Variants in EML1 observed in about 807,000 individuals in gnomAD.
EML1 encodes the protein EMAP like 1, also known as echinoderm microtubule-associated protein-like 1.
A neutral mutation model predicts 110.4 loss-of-function variants in EML1; 27 were observed. That is an observed-to-expected ratio of 0.24 (90% confidence interval 0.18 to 0.34). The LOEUF is 0.34. Ranked by LOEUF, EML1 falls within the 10% of genes least tolerant of loss-of-function variation. The pLI is 1.00. For synonymous variants in EML1, 344 were observed against 385.8 expected (o/e 0.89, Z 1.27); for missense variants, 741 against 1,030.9 (o/e 0.72, Z 3.85).
At chr14:99,748,851 C>T (rs987725900) in intron 1 of EML1, among the ~76,000 whole-genome samples, 4 of 152,138 alleles carry the variant, frequency 2.6e-5, no homozygotes, top group African/African-American at 7.2e-5. Flanking sequence ...GGCAAACACT[C>T]GTCCACTTTG....
intron 1 of EML1, chr14:99,838,930 T>TGTGTGTGTGTGCGTGC (rs35886892): frequency 6.7e-6 from 1 of 148,488 alleles, no homozygotes; most frequent in African/African-American, 2.5e-5. Flanking sequence ...TGTGTGTGTG[T>TGTGTGTGTGTGCGTGC]GCGCGCGCGC....
intron 1 of EML1, among the ~76,000 whole-genome samples, chr14:99,750,987 T>A (rs1416707609): frequency 1.3e-5 from 2 of 152,042 alleles, no homozygotes; most frequent in South Asian, 2.1e-4. Context: ...TCCCCCCCTG[T>A]GAAATGAACT....
In EML1 at chr14:99,937,985, G is replaced by C; in HGVS notation, c.2191+73G>C. Reference sequence around the variant, plus strand: ...TTTAAAATATTTCTTCAGTTGCTACGGAGTCTCATGGTCACCAGTCTTGTC... The same window carrying C: ...TTTAAAATATTTCTTCAGTTGCTACCGAGTCTCATGGTCACCAGTCTTGTC... On this transcript the variant is annotated intron_variant, in intron 20 of 21. Coordinates refer to ENST00000262233, the MANE Select transcript of EML1 (RefSeq NM_004434.3). 8 of 1,447,776 alleles carry C rather than the reference G, an allele frequency of 5.5e-6. No homozygotes were observed. In the South Asian group the frequency reaches 9.3e-5, roughly 17 times the overall value. 89.7% of individuals were successfully genotyped at this position (1,447,776 alleles called of 1,614,324 possible).
intron 1 of EML1, among the ~76,000 whole-genome samples, chr14:99,775,576 C>A (rs1044831935): frequency 1.3e-5 from 2 of 152,174 alleles, no homozygotes; most frequent in Non-Finnish European, 2.9e-5. Context: ...TGATCTGGCA[C>A]CATGATGGCA....
At chr14:99,755,908 G>A (rs1255535465) in intron 1 of EML1, among the ~76,000 whole-genome samples, 2 of 152,144 alleles carry the variant, frequency 1.3e-5, no homozygotes, top group South Asian at 2.1e-4. Context: ...GGGTAGCACA[G>A]GGCTACTTCA....
chr14:99,939,593 G>C lies in EML1; in HGVS notation c.2322+266G>C, dbSNP rs1436813741. Among the ~76,000 whole-genome samples, 4 of 152,094 alleles carry C rather than the reference G, an allele frequency of 2.6e-5. No homozygotes were observed. On this transcript the variant is annotated intron_variant, in intron 21 of 21. Transcript: ENST00000262233. This position sits in a 1 kb window ranked among gnomAD's most constrained non-coding sequence, Gnocchi z 4.2. ...CCCCGCCCTCCCCCACGGCTCCCTT[G>C]CTCCGGCCCTGCTCAGCCGCGCCAG...
intron 10 of EML1, among the ~76,000 whole-genome samples, chr14:99,908,255 G>A (rs902801042): frequency 6.6e-6 from 1 of 152,226 alleles, no homozygotes; most frequent in Non-Finnish European, 1.5e-5. Context: ...TTCCTCCTGC[G>A]AGGGGCCCCT....
chr14:99,839,275 G>A (rs533685170), intron 1 of EML1, among the ~76,000 whole-genome samples: 1 of 152,206 alleles, frequency 6.6e-6, no homozygotes, highest in East Asian at 1.9e-4. Context: ...TGGCAAGCTT[G>A]TGATTCTGGC....
At chr14:99,926,369 C>G (rs531843918) in intron 17 of EML1, among the ~76,000 whole-genome samples, 1 of 151,914 alleles carries the variant, frequency 6.6e-6, no homozygotes, top group East Asian at 1.9e-4. Flanking sequence ...ACTGTAACCT[C>G]TGCCTCCCAG....
At position 99,752,555 on chromosome 14, in the gene EML1, C is replaced by A. The variant is rs77692040; in HGVS notation, c.28+14695C>A. 1.6e-3 allele frequency among the ~76,000 whole-genome samples: 246 copies of A among 152,340 alleles called. 1 individual carries two copies. The highest frequency in any genetic ancestry group is 5.7e-3 in the African/African-American group (237 of 41,580). On this transcript the variant is annotated intron_variant, in intron 1 of 10. Coordinates refer to the EML1 transcript ENST00000554479. ...TCCTGGTCCCCTGGGTGCAGGAAGG[C>A]TGTGCCCAAGGAGCCAGCTGCCTGC... is the stretch of plus-strand genomic sequence containing the variant.
At chr14:99,895,741 T>A (rs1307928733) in intron 6 of EML1, among the ~76,000 whole-genome samples, 1 of 139,486 alleles carries the variant, frequency 7.2e-6, no homozygotes, top group Non-Finnish European at 1.5e-5. Context: ...GAAATTGACA[T>A]ATCACGTAGA....
chr14:99,806,438 T>C (rs1204128543), intron 1 of EML1, among the ~76,000 whole-genome samples: 2 of 148,360 alleles, frequency 1.3e-5, no homozygotes, highest in East Asian at 2.1e-4. Flanking sequence ...TACTTCAGCC[T>C]CCCGAGTAGC....
At chr14:99,885,480 C>T (rs1287982057) in intron 4 of EML1, among the ~76,000 whole-genome samples, 7 of 152,106 alleles carry the variant, frequency 4.6e-5, no homozygotes, top group African/African-American at 1.7e-4. Flanking sequence ...ACAGAAACAC[C>T]CGTGTCTAGC....
At chr14:99,743,840 G>A (rs2057073332) in intron 1 of EML1, among the ~76,000 whole-genome samples, 1 of 152,140 alleles carries the variant, frequency 6.6e-6, no homozygotes, top group Non-Finnish European at 1.5e-5. Context: ...CAATTCTAAG[G>A]GAGCATTCTT....
intron 17 of EML1, among the ~76,000 whole-genome samples, chr14:99,922,226 C>T (rs2060142022): frequency 6.6e-6 from 1 of 151,886 alleles, no homozygotes; most frequent in Non-Finnish European, 1.5e-5. Context: ...AGCGATTCTT[C>T]TGCCTCAGCC....
At chr14:99,766,897 C>T (rs1434363568) in intron 1 of EML1, among the ~76,000 whole-genome samples, 3 of 152,112 alleles carry the variant, frequency 2.0e-5, no homozygotes, top group Admixed American at 2.0e-4. Context: ...GGCTGGCCAC[C>T]GGGCTTCTAT....
intron 1 of EML1, among the ~76,000 whole-genome samples, chr14:99,821,246 G>T (rs1201661489): frequency 6.6e-6 from 1 of 152,054 alleles, no homozygotes; most frequent in Non-Finnish European, 1.5e-5. Flanking sequence ...CTTGAACTTA[G>T]TCCTCCTGCC....
intron 1 of EML1, among the ~76,000 whole-genome samples, chr14:99,743,077 C>T (rs145829066): frequency 3.0e-4 from 45 of 152,284 alleles, no homozygotes; most frequent in African/African-American, 1.0e-3. Flanking sequence ...CCCCTCACGG[C>T]GCCCCTACGT....
At position 99,864,465 on chromosome 14, in the gene EML1, G is replaced by C. The variant is rs149128885; in HGVS notation, c.251-1049G>C. ...TTGCATTTTAAATTTAGGTTTATGG[G>C]CTGTTTTAATTTTTGTGTAGGGTGT... On this transcript the variant is annotated intron_variant, in intron 2 of 21. Transcript: ENST00000262233. Among the ~76,000 whole-genome samples the C allele has an allele frequency of 3.7e-3, 561 of 152,200 alleles. 2 individuals carry two copies. Among genetic ancestry groups the C allele is most frequent in the Non-Finnish European group, 4.6e-3 (315 of 68,022 alleles).
Sources: allele counts gnomAD v4.1 joint callset (sites outside exome capture counted in the v4.1 genomes callset), GRCh38; gene constraint gnomAD v4.1.1; non-coding constraint Gnocchi (gnomAD v3.1); transcripts MANE v1.5; gene names NCBI Gene and HGNC (gene_info 2026-07-23, HGNC 2026-07-21).